CCDC191: variants seen among roughly 807,000 people sequenced by gnomAD.
CCDC191 encodes the protein coiled-coil domain-containing protein 191.
CCDC191 carries 99 observed loss-of-function variants against 114.0 expected under a neutral mutation model. The ratio of observed to expected loss-of-function variants is 0.87; its 90% CI spans 0.74 to 1.03. The LOEUF (loss-of-function observed/expected upper bound fraction) is 1.03. CCDC191 is among the 50% of genes least tolerant of loss of function. CCDC191 has a pLI of 0.00. For synonymous variants in CCDC191, 351 were observed against 376.0 expected, an observed-to-expected ratio of 0.93 and a Z score of 0.77; for missense variants, 973 against 1,087.0, an observed-to-expected ratio of 0.90 and a Z score of 1.47.
chr3:114,042,965 G>C, intron 3 of CCDC191, 119 bp from the exon 4 acceptor site: 1 of 914,822 alleles, frequency 1.1e-6, no homozygotes, highest in South Asian at 1.7e-5. Flanking sequence ...TACTGTTCTA[G>C]ATACTGGAAT....
At chr3:114,008,426 G>A (rs1438734039) in intron 9 of CCDC191, among the ~76,000 whole-genome samples, 2 of 151,844 alleles carry the variant, frequency 1.3e-5, no homozygotes, top group Non-Finnish European at 2.9e-5. Context: ...GCAATAATCA[G>A]GGTAAAAAGC....
At chr3:114,006,615 T>TATAAATAA (rs1252366022) in intron 9 of CCDC191, among the ~76,000 whole-genome samples, 4 of 84,756 alleles carry the variant, frequency 4.7e-5, no homozygotes, top group Admixed American at 2.6e-4. Context: ...TATATATATA[T>TATAAATAA]ATAAATATAT....
At chr3:114,038,911 A>G (rs1282661216) in intron 4 of CCDC191, among the ~76,000 whole-genome samples, 3 of 152,168 alleles carry the variant, frequency 2.0e-5, no homozygotes, top group Non-Finnish European at 4.4e-5. Flanking sequence ...GAGCATCAGG[A>G]GAATAGGATG....
intron 4 of CCDC191, among the ~76,000 whole-genome samples, chr3:114,038,173 T>C (rs772556374): frequency 1.4e-4 from 21 of 152,334 alleles, no homozygotes; most frequent in Admixed American, 9.2e-4. Context: ...GGTAACTCAT[T>C]GTAGTTTTAA....
chr3:114,050,922 T>C (rs1473401928), intron 2 of CCDC191, among the ~76,000 whole-genome samples: 1 of 152,158 alleles, frequency 6.6e-6, no homozygotes. Flanking sequence ...TAAATCATGG[T>C]GGACTGTTGC....
intron 9 of CCDC191, among the ~76,000 whole-genome samples, chr3:114,007,339 T>G (rs966082532): frequency 6.6e-6 from 1 of 152,192 alleles, no homozygotes; most frequent in African/African-American, 2.4e-5. Flanking sequence ...ACCCCATCCT[T>G]AGGGACTCAA....
In CCDC191 at chr3:113,988,335, A is replaced by C. The variant is rs1023906342; in HGVS notation, c.2164-7542T>G. Among the ~76,000 whole-genome samples the C allele has an allele frequency of 3.9e-5, 6 of 152,104 alleles. No homozygotes were observed. In the Middle Eastern group the frequency reaches 0.01, roughly 259 times the overall value. The stretch of plus-strand genomic sequence containing the variant: ...ATGGTGAAACCCCATCTCTACTAAA[A>C]ATACAAAAATTAGCCGGGCATGGTG... On this transcript the variant is annotated intron_variant, in intron 13 of 16. Coordinates refer to ENST00000295878, the MANE Select transcript of CCDC191 (RefSeq NM_020817.2).
chr3:114,044,941 GA>G lies in CCDC191; in HGVS notation c.271+1649del, dbSNP rs201445875. Among the ~76,000 whole-genome samples the G allele has an allele frequency of 4.0e-5, 6 of 151,884 alleles. No homozygotes were observed. The East Asian group carries it at 5.8e-4, about 15-fold the overall frequency. On this transcript the variant is annotated intron_variant, in intron 3 of 16. Coordinates refer to ENST00000295878, the MANE Select transcript of CCDC191 (RefSeq NM_020817.2). Reference sequence around the variant, plus strand: ...AATATTAGTATAGTTTATGATAGGAGAAAAAAAATGATATAAACCTTTGAAA... The same window carrying G: ...AATATTAGTATAGTTTATGATAGGAGAAAAAAATGATATAAACCTTTGAAA...
intron 4 of CCDC191, among the ~76,000 whole-genome samples, chr3:114,037,619 G>A (rs1459422355): frequency 1.3e-5 from 2 of 152,056 alleles, no homozygotes; most frequent in African/African-American, 4.8e-5. Flanking sequence ...GAACATCTGT[G>A]TACAGTCATC....
chr3:114,003,935 G>A (rs186760040), intron 11 of CCDC191: 319 of 985,394 alleles, frequency 3.2e-4, no homozygotes, highest in Middle Eastern at 5.2e-4. Flanking sequence ...TTCACTAGGT[G>A]GGTTCTGAAG....
chr3:114,023,787 T>C (rs1330645459), intron 7 of CCDC191, among the ~76,000 whole-genome samples: 1 of 152,010 alleles, frequency 6.6e-6, no homozygotes, highest in Non-Finnish European at 1.5e-5. Flanking sequence ...ATTCAGGACA[T>C]AGGCATGGGC....
intron 13 of CCDC191, among the ~76,000 whole-genome samples, chr3:113,983,662 T>C (rs1237381897): frequency 6.6e-6 from 1 of 152,238 alleles, no homozygotes; most frequent in Non-Finnish European, 1.5e-5. Context: ...GCAGGGCTGT[T>C]ATCTGTCTTC....
chr3:113,971,007 G>T (rs1940761363), intron 16 of CCDC191, among the ~76,000 whole-genome samples: 1 of 152,110 alleles, frequency 6.6e-6, no homozygotes, highest in Non-Finnish European at 1.5e-5. Flanking sequence ...TTGCTATTGT[G>T]AATAGTGCCG....
At position 114,056,493 on chromosome 3, in the gene CCDC191, C is replaced by G. The variant is rs1176622793; in HGVS notation, c.-27G>C. 1 of 1,613,842 alleles carries G rather than the reference C, an allele frequency of 6.2e-7. No individual in the cohort carries two copies. The highest frequency in any genetic ancestry group is 1.1e-5 in the South Asian group (1 of 91,088). On this transcript the variant is annotated 5_prime_UTR_variant, in exon 1 of 17. Transcript: ENST00000295878. ...TTCCAAGTTCGAGCCCGAACCTCGG[C>G]CAAAGCTGCAGCAACCGCCCTTCTG...
At chr3:113,968,108 T>A (rs1196822386) in intron 16 of CCDC191, among the ~76,000 whole-genome samples, 1 of 152,220 alleles carries the variant, frequency 6.6e-6, no homozygotes, top group Non-Finnish European at 1.5e-5. Flanking sequence ...CATGCAAATA[T>A]CTCTTGGATG....
chr3:113,978,044 A>G, intron 16 of CCDC191, 142 bp downstream of exon 16: 1 of 806,596 alleles, frequency 1.2e-6, no homozygotes, highest in South Asian at 1.8e-5. Context: ...ATTGCTGGTG[A>G]GCCGGGACTC....
At chr3:113,979,072 A>T in intron 14 of CCDC191, 62 bp from the exon 15 acceptor site, 1 of 1,476,766 alleles carries the variant, frequency 6.8e-7, no homozygotes, top group Non-Finnish European at 9.3e-7. Context: ...AAACAAACAC[A>T]TCACCTTTGG....
At chr3:113,983,458 A>G (rs868608933) in intron 13 of CCDC191, among the ~76,000 whole-genome samples, 1 of 152,138 alleles carries the variant, frequency 6.6e-6, no homozygotes, top group Non-Finnish European at 1.5e-5. Flanking sequence ...TCCAATAGGT[A>G]TCTCACATTT....
Position 114,014,620 on chromosome 3 carries a change from T to C in CCDC191, c.1164-3599A>G, listed in dbSNP as rs9876566. Among the ~76,000 whole-genome samples the C allele has an allele frequency of 7.1e-3, 1,087 of 152,310 alleles. 1 individual carries two copies. The highest frequency in any genetic ancestry group is 0.012 in the Non-Finnish European group (823 of 68,032). ...GCCTATGTACTAGTTTACTAGTTCT[T>C]ATCCAAATTAAAAAATGCCCTTTTC... is the stretch of plus-strand genomic sequence containing the variant. On this transcript the variant is annotated intron_variant, in intron 8 of 16. Coordinates refer to ENST00000295878, the MANE Select transcript of CCDC191 (RefSeq NM_020817.2).
Sources: gnomAD v4.1 joint callset for allele counts (sites outside exome capture counted in the v4.1 genomes callset) on GRCh38, gnomAD v4.1.1 for gene constraint, MANE v1.5 for transcripts, NCBI Gene and HGNC (gene_info 2026-07-23, HGNC 2026-07-21) for gene names.